The following MAF variants were observed in gnomAD, a reference collection of about 807,000 sequenced individuals.
MAF encodes the protein MAF bZIP transcription factor, also known as transcription factor Maf.
MAF carries 10 observed loss-of-function variants against 22.0 expected under a neutral mutation model. That is an observed-to-expected ratio of 0.45 (90% confidence interval 0.28 to 0.77). MAF has a LOEUF of 0.77. MAF is among the 30% of genes least tolerant of loss of function. The probability of loss-of-function intolerance (pLI) is 0.12; values close to 1 mark genes in which losing one functional copy is unlikely to be tolerated. For missense variants in MAF, 544 were observed against 548.4 expected, an observed-to-expected ratio of 0.99 and a Z score of 0.08; for synonymous variants, 337 against 255.8, an observed-to-expected ratio of 1.32 and a Z score of -3.03.
At chr16:79,230,416 C>T in the MAF span, among the ~76,000 whole-genome samples, 1 of 152,152 alleles carries the variant, frequency 6.6e-6, no homozygotes, top group East Asian at 1.9e-4. Context: ...TGGACCAGAC[C>T]TCAGATAAAC....
the MAF span, among the ~76,000 whole-genome samples, chr16:79,221,303 T>C: frequency 6.6e-6 from 1 of 152,186 alleles, no homozygotes; most frequent in Non-Finnish European, 1.5e-5. Flanking sequence ...AAACCCACTT[T>C]AGGGAGAGAG....
At chr16:79,487,663 A>C in the MAF span, among the ~76,000 whole-genome samples, 1 of 152,186 alleles carries the variant, frequency 6.6e-6, no homozygotes, top group Non-Finnish European at 1.5e-5. Flanking sequence ...TTATTACCCA[A>C]TATGCAAAAG....
the MAF span, among the ~76,000 whole-genome samples, chr16:79,328,672 T>C: frequency 6.6e-6 from 1 of 152,154 alleles, no homozygotes; most frequent in Non-Finnish European, 1.5e-5. Context: ...GAGTCTTTCA[T>C]TTGGCCAATA....
At chr16:79,513,545 G>C in the MAF span, among the ~76,000 whole-genome samples, 11 of 152,044 alleles carry the variant, frequency 7.2e-5, no homozygotes, top group Non-Finnish European at 1.2e-4. Flanking sequence ...ATCTAGCAAA[G>C]TGGTTGTGAG....
chr16:79,573,885 A>C, the MAF span, among the ~76,000 whole-genome samples: 1 of 152,204 alleles, frequency 6.6e-6, no homozygotes, highest in Non-Finnish European at 1.5e-5. Flanking sequence ...TCTAATTTTG[A>C]CAGATTGCAA....
the MAF span, among the ~76,000 whole-genome samples, chr16:79,579,766 T>C: frequency 4.6e-5 from 7 of 152,176 alleles, no homozygotes; most frequent in Non-Finnish European, 8.8e-5. Flanking sequence ...TTTCCTAAAG[T>C]GAAAATGTCA....
At chr16:79,372,831 T>A in the MAF span, among the ~76,000 whole-genome samples, 2 of 152,288 alleles carry the variant, frequency 1.3e-5, no homozygotes, top group Non-Finnish European at 2.9e-5. Flanking sequence ...CCAGACCCAC[T>A]GATTTTCCTT....
the MAF span, among the ~76,000 whole-genome samples, chr16:79,424,322 G>A: frequency 1.3e-5 from 2 of 152,144 alleles, no homozygotes; most frequent in African/African-American, 4.8e-5. Flanking sequence ...TCCACAGACT[G>A]GAATTCGAAT....
chr16:79,505,228 CA>C, the MAF span, among the ~76,000 whole-genome samples: 1 of 152,120 alleles, frequency 6.6e-6, no homozygotes, highest in Non-Finnish European at 1.5e-5. Flanking sequence ...TTCTGAAAAA[CA>C]GCCAAAAAAC....
chr16:79,333,619 T>A, the MAF span, among the ~76,000 whole-genome samples: 3 of 152,204 alleles, frequency 2.0e-5, no homozygotes, highest in Non-Finnish European at 4.4e-5. Context: ...TTTTAAGACA[T>A]GGGAATCTTT....
chr16:79,293,760 T>A, the MAF span, among the ~76,000 whole-genome samples: 1 of 151,982 alleles, frequency 6.6e-6, no homozygotes, highest in African/African-American at 2.4e-5. Context: ...TATCAGAGCA[T>A]CCCATTGTTG....
the MAF span, among the ~76,000 whole-genome samples, chr16:79,549,236 C>T: frequency 4.0e-5 from 6 of 149,370 alleles, no homozygotes; most frequent in Admixed American, 6.7e-5. Flanking sequence ...GCGTGCCCAA[C>T]ATAGTGCAGA....
the MAF span, among the ~76,000 whole-genome samples, chr16:79,529,753 G>C: frequency 6.6e-6 from 1 of 152,116 alleles, no homozygotes; most frequent in Non-Finnish European, 1.5e-5. Flanking sequence ...TTCAGGTCAG[G>C]AGCTCAAAAC....
At chr16:79,326,512 C>T in the MAF span, among the ~76,000 whole-genome samples, 6 of 152,170 alleles carry the variant, frequency 3.9e-5, no homozygotes, top group Non-Finnish European at 7.3e-5. Context: ...CTTCAACAGA[C>T]GTGAGCACGA....
intron 1 of MAF, chr16:79,594,770 T>C: frequency 7.4e-7 from 1 of 1,348,392 alleles, no homozygotes; most frequent in East Asian, 2.9e-5. Flanking sequence ...TTTCAGTAAT[T>C]GTTATTTCTA....
chr16:79,580,444 G>A, the MAF span, among the ~76,000 whole-genome samples: 1 of 152,238 alleles, frequency 6.6e-6, no homozygotes, highest in Non-Finnish European at 1.5e-5. Context: ...CAAATAAGAT[G>A]AGGAGAGGCT....
At chr16:79,519,299 G>C in the MAF span, among the ~76,000 whole-genome samples, 23 of 152,266 alleles carry the variant, frequency 1.5e-4, no homozygotes, top group African/African-American at 5.5e-4. Context: ...CCATGAGATG[G>C]GGTATAATGC....
chr16:79,510,504 T>C, the MAF span, among the ~76,000 whole-genome samples: 4 of 152,184 alleles, frequency 2.6e-5, no homozygotes, highest in Non-Finnish European at 5.9e-5. Flanking sequence ...GGTTCCAGAA[T>C]AGAGGCAGAG....
the MAF span, among the ~76,000 whole-genome samples, chr16:79,265,098 G>A: frequency 1.3e-5 from 2 of 152,030 alleles, no homozygotes; most frequent in African/African-American, 4.8e-5. Context: ...TGCCATGGGA[G>A]GTAATATATT....
Sources: allele counts gnomAD v4.1 joint callset (sites outside exome capture counted in the v4.1 genomes callset), GRCh38; gene constraint gnomAD v4.1.1; transcripts MANE v1.5; gene names NCBI Gene and HGNC (gene_info 2026-07-23, HGNC 2026-07-21).